KICS2: variants seen among roughly 807,000 people sequenced by gnomAD.
KICS2 encodes the protein KICSTOR complex protein C12orf66.
KICS2 carries 13 observed loss-of-function variants against 31.4 expected under a neutral mutation model. The ratio of observed to expected loss-of-function variants is 0.41; its 90% CI spans 0.27 to 0.66. The LOEUF (loss-of-function observed/expected upper bound fraction) is 0.66. Among genes scored for constraint, KICS2 ranks in the 30% least tolerant of loss-of-function variants. The pLI, the probability that KICS2 is intolerant of heterozygous loss-of-function variation, is 0.28. For missense variants in KICS2, 455 were observed against 545.4 expected, an observed-to-expected ratio of 0.83 and a Z score of 1.65; for synonymous variants, 209 against 214.8, an observed-to-expected ratio of 0.97 and a Z score of 0.24.
intron 2 of KICS2, among the ~76,000 whole-genome samples, chr12:64,195,604 T>C (rs1359457836): frequency 6.6e-6 from 1 of 152,218 alleles, no homozygotes; most frequent in African/African-American, 2.4e-5. Context: ...GGAGCCAAGA[T>C]GGCCGAATAG....
chr12:64,214,414 GT>G (rs2037609069), intron 2 of KICS2, among the ~76,000 whole-genome samples: 1 of 152,224 alleles, frequency 6.6e-6, no homozygotes, highest in African/African-American at 2.4e-5. Flanking sequence ...AGCCTTCTCT[GT>G]TTGAACCAAG....
chr12:64,214,170 T>C (rs2037607038), intron 2 of KICS2, among the ~76,000 whole-genome samples: 2 of 152,238 alleles, frequency 1.3e-5, no homozygotes. Context: ...ATTTTCAACC[T>C]GGAACACAAC....
At position 64,209,615 on chromosome 12, in the gene KICS2, A is replaced by G. The variant is rs141308853; in HGVS notation, c.521+6063T>C. Reference sequence around the variant, plus strand: ...AATAAAAAAAGTTATAAATTTACCAAAAAGGAAGCCTTTTTTAACACCATT... The same window carrying G: ...AATAAAAAAAGTTATAAATTTACCAGAAAGGAAGCCTTTTTTAACACCATT... On this transcript the variant is annotated intron_variant, in intron 2 of 2. Transcript: ENST00000398055. Among the ~76,000 whole-genome samples, 605 of 152,318 alleles carry G rather than the reference A, an allele frequency of 4.0e-3. 4 individuals carry two copies. The highest frequency in any genetic ancestry group is 0.014 in the African/African-American group (568 of 41,572).
chr12:64,186,825 T>C (rs1201631925), downstream of KICS2: 1 of 152,214 alleles, frequency 6.6e-6, no homozygotes, highest in Non-Finnish European at 1.5e-5. Context: ...AACTGCTATA[T>C]CATTACCCTT....
At chr12:64,221,900 G>C (rs1024646035) in intron 1 of KICS2, 103 bp downstream of exon 1, 108 of 1,268,494 alleles carry the variant, frequency 8.5e-5, no homozygotes, top group Non-Finnish European at 1.2e-4. Flanking sequence ...TCGAGCCTGC[G>C]ACTAGAAGTG....
Position 64,193,847 on chromosome 12 carries a change from C to A in KICS2, c.1333G>T (p.Gly445Cys), listed in dbSNP as rs1565713555. The change falls in exon 3 of 3, where the codon GGT becomes TGT. Residue 445 changes from glycine to cysteine, a missense_variant. By Grantham distance (159) the Gly-to-Cys change is radical (BLOSUM62 -3). Transcript: ENST00000398055. ...VFASLKPGAK[G>C] is the part of the protein sequence containing the mutation. ...CCCTCCACGCAAATCACCTGCTAACCTTTGGCTCCAGGTTTCAGACTTGCA... is the reference window on the plus strand; with the variant it reads ...CCCTCCACGCAAATCACCTGCTAACATTTGGCTCCAGGTTTCAGACTTGCA... 3.1e-6 allele frequency: 5 copies of A among 1,611,720 alleles called. No individual in the cohort carries two copies. The highest frequency in any genetic ancestry group is 4.2e-6 in the Non-Finnish European group (5 of 1,178,860).
downstream of KICS2, among the ~76,000 whole-genome samples, chr12:64,189,670 AAC>A (rs567956705): frequency 1.1e-4 from 17 of 151,078 alleles, no homozygotes; most frequent in East Asian, 9.7e-4. Context: ...GAACATGGAA[AAC>A]ACACACACAC....
At chr12:64,215,621 C>T (rs1592388812) in intron 2 of KICS2, 57 bp downstream of exon 2, 2 of 1,449,374 alleles carry the variant, frequency 1.4e-6, no homozygotes, top group East Asian at 2.3e-5. Flanking sequence ...AAACTCTGAG[C>T]TTGTGTGGGA....
At position 64,194,245 on chromosome 12, in the gene KICS2, T is replaced by C. The variant is rs774761388; in HGVS notation, c.935A>G (p.Asn312Ser). The C allele has an allele frequency of 1.2e-6, 2 of 1,614,184 alleles. No individual in the cohort carries two copies. Among genetic ancestry groups the C allele is most frequent in the Non-Finnish European group, 8.5e-7 (1 of 1,180,046 alleles). The change falls in exon 3 of 3, where the codon AAT (asparagine) becomes AGT (serine). Residue 312 changes from asparagine to serine, a missense_variant. Coordinates refer to ENST00000398055, the MANE Select transcript of KICS2 (RefSeq NM_152440.5). ...SSFIRKYDAA[N>S]VSLIFDNRGS... Reference sequence around the variant, plus strand: ...TCTGTTGTCAAAAATTAAGGACACATTGGCAGCATCATATTTTCTGATGAA... The same window carrying C: ...TCTGTTGTCAAAAATTAAGGACACACTGGCAGCATCATATTTTCTGATGAA...
chr12:64,207,085 C>A (rs1367021661), intron 2 of KICS2, among the ~76,000 whole-genome samples: 2 of 151,764 alleles, frequency 1.3e-5, no homozygotes, highest in Non-Finnish European at 2.9e-5. Context: ...TGGGTGGGAC[C>A]CTTGAGCTCA....
rs1259115403 is a variant in KICS2 at position 64,191,951 on chromosome 12, T to C, written c.*1891A>G. 6.9e-6 allele frequency: 1 copy of C among 144,874 alleles called. No individual in the cohort carries two copies. The highest frequency in any genetic ancestry group is 7.3e-5 in the Admixed American group (1 of 13,700). The allele number at this position is 144,874 out of a possible 1,614,324, so 9.0% of individuals were successfully genotyped here. Reference sequence around the variant, plus strand: ...ATCCCACCTACTCGGGATGCTGATGTGGGAGGATCACTTGAGCCCAGGAGG... The same window carrying C: ...ATCCCACCTACTCGGGATGCTGATGCGGGAGGATCACTTGAGCCCAGGAGG... On this transcript the variant is annotated 3_prime_UTR_variant, in exon 3 of 3. Transcript: ENST00000398055.
At position 64,193,728 on chromosome 12, in the gene KICS2, T is replaced by A. The variant is rs575552102; in HGVS notation, c.*114A>T. 3.2e-5 allele frequency: 47 copies of A among 1,449,494 alleles called. No individual in the cohort carries two copies. The South Asian group carries it at 6.1e-4, about 19-fold the overall frequency. 89.8% of individuals were successfully genotyped at this position (1,449,494 alleles called of 1,614,324 possible). ...CAACACAGGGAGGATTTGTCTTTAA[T>A]TTAGTTCTGAAAGAGGCATGAATGG... On this transcript the variant is annotated 3_prime_UTR_variant, in exon 3 of 3. Coordinates refer to ENST00000398055, the MANE Select transcript of KICS2 (RefSeq NM_152440.5).
Position 64,192,884 on chromosome 12 carries a change from G to C in KICS2, c.*958C>G. 1.0e-6 allele frequency: 1 copy of C among 985,398 alleles called. No homozygotes were observed. Among genetic ancestry groups the C allele is most frequent in the Non-Finnish European group, 1.2e-6 (1 of 829,924 alleles). The allele number at this position is 985,398 out of a possible 1,614,324, so 61.0% of individuals were successfully genotyped here. On this transcript the variant is annotated 3_prime_UTR_variant, in exon 3 of 3. Coordinates refer to ENST00000398055, the MANE Select transcript of KICS2 (RefSeq NM_152440.5). ...TCAACTATGAAGAGGTCTTTCAAGC[G>C]CACAGTTGATTTTTAGCAAGTACAG...
At chr12:64,196,012 C>G (rs1230783175) in intron 2 of KICS2, among the ~76,000 whole-genome samples, 1 of 152,244 alleles carries the variant, frequency 6.6e-6, no homozygotes, top group Non-Finnish European at 1.5e-5. Flanking sequence ...AAGGCGGCAG[C>G]GAGGCTGGGG....
downstream of KICS2, among the ~76,000 whole-genome samples, chr12:64,188,821 A>T (rs2037359045): frequency 6.6e-6 from 1 of 152,102 alleles, no homozygotes; most frequent in African/African-American, 2.4e-5. Flanking sequence ...CATTGTCTGG[A>T]AGATGCTAAG....
intron 2 of KICS2, among the ~76,000 whole-genome samples, chr12:64,201,169 G>A (rs995389427): frequency 4.2e-4 from 62 of 148,114 alleles, no homozygotes; most frequent in African/African-American, 1.4e-3. Context: ...TGTTTATTGC[G>A]GCATTATTCA....
intron 1 of KICS2, 32 bp from the exon 2 acceptor site, chr12:64,215,995 G>T: frequency 6.3e-7 from 1 of 1,575,630 alleles, no homozygotes; most frequent in East Asian, 2.3e-5. Flanking sequence ...CACATGACAA[G>T]TAAGAAGGAG....
downstream of KICS2, among the ~76,000 whole-genome samples, chr12:64,189,996 G>T (rs1245095261): frequency 6.6e-6 from 1 of 151,970 alleles, no homozygotes; most frequent in Non-Finnish European, 1.5e-5. Context: ...TAATATAGGA[G>T]AACTAAAATG....
intron 2 of KICS2, among the ~76,000 whole-genome samples, chr12:64,209,656 C>T (rs1219684818): frequency 6.6e-6 from 1 of 152,226 alleles, no homozygotes; most frequent in Non-Finnish European, 1.5e-5. Context: ...GTGAACACAA[C>T]TGGCTTCCAG....
Sources: gnomAD v4.1 joint callset for allele counts (sites outside exome capture counted in the v4.1 genomes callset) on GRCh38, gnomAD v4.1.1 for gene constraint, MANE v1.5 for transcripts, NCBI Gene and HGNC (gene_info 2026-07-23, HGNC 2026-07-21) for gene names.